Variants in GP2 observed in about 807,000 individuals in gnomAD.
GP2 encodes the protein pancreatic secretory granule membrane major glycoprotein GP2.
Under a neutral mutation model 60.8 loss-of-function variants are expected in GP2, and 58 were observed. The ratio of observed to expected loss-of-function variants is 0.95; its 90% CI spans 0.77 to 1.19. The LOEUF is 1.19. GP2 is among the 50% of genes most tolerant of loss of function. The pLI is 0.00. For synonymous variants in GP2, 280 were observed against 253.4 expected (o/e 1.10, Z -1.00); for missense variants, 647 against 667.4 (o/e 0.97, Z 0.34).
At chr16:20,323,297 C>G in intron 3 of GP2, 1 of 706,502 alleles carries the variant, frequency 1.4e-6, no homozygotes, top group Non-Finnish European at 2.6e-6. Flanking sequence ...CAAATCCCAG[C>G]TGTACCATGC....
At position 20,326,402 on chromosome 16, in the gene GP2, G is replaced by A. The variant is rs191318408; in HGVS notation, c.30C>T (p.Gly10=). The change falls in exon 2 of 11, where the codon GGC becomes GGT. Residue 10 remains glycine, a synonymous_variant. Transcript: ENST00000302555. ...CCAAGGCCAGCCACAGGAGGCCAGAGCCCACCATCCTTTCCATAAGGTGAG... is the reference window on the plus strand; with the variant it reads ...CCAAGGCCAGCCACAGGAGGCCAGAACCCACCATCCTTTCCATAAGGTGAG... The part of the protein sequence containing the change: MPHLMERMV[G]SGLLWLALVS... 3.2e-5 allele frequency: 52 copies of A among 1,613,178 alleles called. No homozygotes were observed. In the East Asian group the frequency reaches 1.1e-3, roughly 35 times the overall value.
At position 20,314,692 on chromosome 16, in the gene GP2, G is replaced by A. The variant is rs1964103800; in HGVS notation, c.1511C>T (p.Ser504Phe). The change falls in exon 10 of 11, where the codon TCT (serine) becomes TTT (phenylalanine). Residue 504 changes from serine to phenylalanine, a missense_variant. By Grantham distance (155) the Ser-to-Phe change is radical (BLOSUM62 -2). Coordinates refer to ENST00000302555, the MANE Select transcript of GP2 (RefSeq NM_001502.4). ...LGPITRRGAQ[S>F]PGVMNGTPST... The stretch of plus-strand genomic sequence containing the variant: ...AGGGGTTCCATTCATGACACCGGGA[G>A]ACTGTGCACCTGTGAACAAGAACAG... 1 of 1,604,758 alleles carries A rather than the reference G, an allele frequency of 6.2e-7. No homozygotes were observed. Among genetic ancestry groups the A allele is most frequent in the South Asian group, 1.1e-5 (1 of 90,908 alleles).
Position 20,323,857 on chromosome 16 carries a change from C to T in GP2, c.494G>A (p.Arg165Gln), listed in dbSNP as rs754414390. 2.0e-5 allele frequency: 33 copies of T among 1,613,662 alleles called. No individual in the cohort carries two copies. Among genetic ancestry groups the T allele is most frequent in the African/African-American group, 1.3e-4 (10 of 74,934 alleles). ...ATTACACCAGGGAGTGCCTTCCAAC[C>T]GGTACACATGGTACCCGCCTGGGCA... ...KACPGGYHVYRLEGTPWCNLR... is the reference protein window; with the variant it reads ...KACPGGYHVYQLEGTPWCNLR... Residue 165 changes from arginine to glutamine, a missense_variant, in exon 3 of 11, where the codon CGG becomes CAG. Physicochemically the swap from Arg to Gln is conservative, Grantham distance 43 (BLOSUM62 1). Coordinates refer to ENST00000302555, the MANE Select transcript of GP2 (RefSeq NM_001502.4).
At chr16:20,313,530 A>G (rs528721015) in intron 10 of GP2, among the ~76,000 whole-genome samples, 1 of 152,248 alleles carries the variant, frequency 6.6e-6, no homozygotes, top group East Asian at 1.9e-4. Context: ...TTCCCCTAAC[A>G]TTTGCACCTC....
chr16:20,320,439 C>T lies in GP2; in HGVS notation c.681G>A (p.Gly227=), dbSNP rs898947867. 5.0e-6 allele frequency: 8 copies of T among 1,613,720 alleles called. No individual in the cohort carries two copies. In the African/African-American group the frequency reaches 8.0e-5, roughly 16 times the overall value. Residue 227 remains glycine, a synonymous_variant, in exon 5 of 11, where the codon GGG becomes GGA. Transcript: ENST00000302555. ...VHSLQPQLDC[G]PREIKVKVDK... is the part of the protein sequence containing the mutation. Reference sequence around the variant, plus strand: ...CCACCTTCACCTTGATCTCCCTGGGCCCACAGTCTAGCTGAGGCTGCAAAC... The same window carrying T: ...CCACCTTCACCTTGATCTCCCTGGGTCCACAGTCTAGCTGAGGCTGCAAAC...
In GP2 at chr16:20,327,513, T is replaced by C; in HGVS notation, c.-83A>G. 7.8e-7 allele frequency: 1 copy of C among 1,288,748 alleles called. No homozygotes were observed. Among genetic ancestry groups the C allele is most frequent in the Non-Finnish European group, 1.0e-6 (1 of 988,292 alleles). The allele number at this position is 1,288,748 out of a possible 1,614,324, so 79.8% of individuals were successfully genotyped here. ...TTCCTCCTCTGGCCAGCCATGGGAA[T>C]GCAGCCTGCTGTGGGCCGTCTTTTT... On this transcript the variant is annotated 5_prime_UTR_variant, in exon 1 of 11. Coordinates refer to ENST00000302555, the MANE Select transcript of GP2 (RefSeq NM_001502.4).
In GP2 at chr16:20,316,046, G is replaced by C; in HGVS notation, c.1417-6C>G. 1 of 1,586,368 alleles carries C rather than the reference G, an allele frequency of 6.3e-7. No homozygotes were observed. Among genetic ancestry groups the C allele is most frequent in the Non-Finnish European group, 8.7e-7 (1 of 1,154,788 alleles). On this transcript the variant is annotated splice_polypyrimidine_tract_variant and splice_region_variant and intron_variant, in intron 8 of 10. Transcript: ENST00000302555. ...ACTTGACTTCTTGAGCAAGACTGTA[G>C]GGATGATGAACTTTTATTATATCAA...
Position 20,316,020 on chromosome 16 carries a change from G to C in GP2, c.1437C>G (p.Val479=), listed in dbSNP as rs756905424. The change falls in exon 9 of 11, where the codon GTC becomes GTG. Residue 479 remains valine (V), a synonymous_variant. Coordinates refer to ENST00000302555, the MANE Select transcript of GP2 (RefSeq NM_001502.4). ...QCQPSCSRSQ[V]RSEVPAIDLA... Reference sequence around the variant, plus strand: ...GGTCGATGGCCGGTACTTCACTGCGGACTTGACTTCTTGAGCAAGACTGTA... The same window carrying C: ...GGTCGATGGCCGGTACTTCACTGCGCACTTGACTTCTTGAGCAAGACTGTA... The C allele has an allele frequency of 1.2e-6, 2 of 1,612,174 alleles. No individual in the cohort carries two copies. Among genetic ancestry groups the C allele is most frequent in the Non-Finnish European group, 1.7e-6 (2 of 1,178,242 alleles).
intron 4 of GP2, among the ~76,000 whole-genome samples, chr16:20,321,436 T>C (rs1237751678): frequency 6.6e-6 from 1 of 152,220 alleles, no homozygotes; most frequent in Admixed American, 6.5e-5. Flanking sequence ...TTCTTGGTCT[T>C]GTGTAAACAC....
At chr16:20,311,331 A>G (rs376206466) in intron 10 of GP2, 50 bp from the exon 11 acceptor site, 269 of 1,125,282 alleles carry the variant, frequency 2.4e-4, no homozygotes, top group Non-Finnish European at 2.0e-4. Flanking sequence ...GGGAGTCAGG[A>G]GCAAACATAA....
chr16:20,314,282 G>A (rs1273117295), intron 10 of GP2, among the ~76,000 whole-genome samples: 3 of 144,240 alleles, frequency 2.1e-5, no homozygotes, highest in Non-Finnish European at 3.0e-5. Context: ...GAAAAAAAAA[G>A]AAATGAATTT....
In GP2 at chr16:20,316,007, G is replaced by A; in HGVS notation, c.1450C>T (p.Pro484Ser). Residue 484 changes from proline to serine, a missense_variant, in exon 9 of 11, where the codon CCG (proline) becomes TCG (serine). Transcript: ENST00000302555. ...AGAACCCGGGCTAGGTCGATGGCCG[G>A]TACTTCACTGCGGACTTGACTTCTT... ...CSRSQVRSEV[P>S]AIDLARVLDL... The A allele has an allele frequency of 6.2e-7, 1 of 1,612,984 alleles. No individual in the cohort carries two copies. The highest frequency in any genetic ancestry group is 2.2e-5 in the East Asian group (1 of 44,880).
intron 9 of GP2, among the ~76,000 whole-genome samples, chr16:20,315,067 G>C (rs982580699): frequency 1.3e-5 from 2 of 152,144 alleles, no homozygotes; most frequent in African/African-American, 4.8e-5. Flanking sequence ...CCTCCACCAA[G>C]TTACCCTGTG....
chr16:20,314,413 G>T (rs1156771027), intron 10 of GP2, among the ~76,000 whole-genome samples: 1 of 151,846 alleles, frequency 6.6e-6, no homozygotes, highest in African/African-American at 2.4e-5. Context: ...AGGCACCTGG[G>T]CTGTTTTGTT....
chr16:20,309,904 G>C lies in GP2; in HGVS notation c.*1319C>G, dbSNP rs748285606. The C allele has an allele frequency of 6.6e-6, 1 of 152,016 alleles. No individual in the cohort carries two copies. The highest frequency in any genetic ancestry group is 1.5e-5 in the Non-Finnish European group (1 of 68,026). 9.4% of individuals were successfully genotyped at this position (152,016 alleles called of 1,614,324 possible). On this transcript the variant is annotated 3_prime_UTR_variant, in exon 11 of 11. Coordinates refer to ENST00000302555, the MANE Select transcript of GP2 (RefSeq NM_001502.4). ...TCTGAACAAGGCAGCACATTGGAAC[G>C]TCTCCTCCAAGCAGATACACAGGCT...
At chr16:20,316,176 GT>G (rs112083622) in intron 8 of GP2, 136 bp from the exon 9 acceptor site, 25,677 of 574,202 alleles carry the variant, frequency 0.045, 1,907 homozygotes, top group African/African-American at 0.25. Flanking sequence ...TTCCGATGCT[GT>G]GGTTATCTCA....
In GP2 at chr16:20,324,102, C is replaced by G; in HGVS notation, c.249G>C (p.Gln83His). Residue 83 changes from glutamine (Q) to histidine (H), a missense_variant, in exon 3 of 11, where the codon CAG becomes CAC. Transcript: ENST00000302555. ...FRSTENSAGS[Q>H]GCDKNMSGWY... ...AGCCGCTCATGTTTTTATCGCACCC[C>G]TGGGACCCTGCTGAGTTCTCTGTGC... The G allele has an allele frequency of 6.2e-7, 1 of 1,614,196 alleles. No homozygotes were observed. The highest frequency in any genetic ancestry group is 8.5e-7 in the Non-Finnish European group (1 of 1,180,006).
rs776415812 is a variant in GP2 at position 20,318,427 on chromosome 16, G to A, written c.1011C>T (p.Ser337=). 16 of 1,611,862 alleles carry A rather than the reference G, an allele frequency of 9.9e-6. No homozygotes were observed. Among genetic ancestry groups the A allele is most frequent in the African/African-American group, 1.3e-5 (1 of 74,838 alleles). The change falls in exon 7 of 11, where the codon TCC becomes TCT. Residue 337 remains serine, a synonymous_variant. Transcript: ENST00000302555. ...LQAALQPIVS[S]LNVSVDGNGE... Reference sequence around the variant, plus strand: ...CATTCCCGTCCACACTGACGTTCAGGGAACTGAGAAAAAGAAAGCCACAAG... The same window carrying A: ...CATTCCCGTCCACACTGACGTTCAGAGAACTGAGAAAAAGAAAGCCACAAG...
rs763913174 is a variant in GP2, at chr16:20,318,220, C to T, written c.1218G>A (p.Lys406=). 29 of 1,613,436 alleles carry T rather than the reference C, an allele frequency of 1.8e-5. No homozygotes were observed. Among genetic ancestry groups the T allele is most frequent in the South Asian group, 9.9e-5 (9 of 91,076 alleles). ...TGATGAAATACTTCACAAGGTCAGC[C>T]TTGTCTTCAGTGGGGGTGGCATAGC... ...RNCYATPTED[K]ADLVKYFIIR... Residue 406 remains lysine (K), a synonymous_variant, in exon 7 of 11, where the codon AAG becomes AAA. Transcript: ENST00000302555.
Sources: gnomAD v4.1 joint callset for allele counts (sites outside exome capture counted in the v4.1 genomes callset) on GRCh38, gnomAD v4.1.1 for gene constraint, MANE v1.5 for transcripts, NCBI Gene and HGNC (gene_info 2026-07-23, HGNC 2026-07-21) for gene names.